DPY19L2: variants seen among roughly 807,000 people sequenced by gnomAD.
DPY19L2 encodes dpy-19 like 2.
DPY19L2 carries 34 observed loss-of-function variants against 97.9 expected under a neutral mutation model. That is an observed-to-expected ratio of 0.35 (90% confidence interval 0.26 to 0.46). DPY19L2 has a LOEUF of 0.46. Ranked by LOEUF, DPY19L2 falls within the 20% of genes least tolerant of loss-of-function variation. DPY19L2 has a pLI of 1.00. For missense variants in DPY19L2, 623 were observed against 911.4 expected (o/e 0.68, Z 4.07); for synonymous variants, 230 against 307.9 (o/e 0.75, Z 2.65).
At chr12:63,604,498 T>C (rs1486573213) in intron 12 of DPY19L2, among the ~76,000 whole-genome samples, 1 of 152,094 alleles carries the variant, frequency 6.6e-6, no homozygotes, top group Non-Finnish European at 1.5e-5. Flanking sequence ...GATCTTTTGT[T>C]ACTACACCAT....
intron 11 of DPY19L2, among the ~76,000 whole-genome samples, chr12:63,616,379 G>C (rs376692283): frequency 6.6e-6 from 1 of 152,148 alleles, no homozygotes; most frequent in Non-Finnish European, 1.5e-5. Context: ...TTTTTTCTGG[G>C]AGAGAAAGAG....
chr12:63,595,411 A>T (rs1399294262), intron 15 of DPY19L2, among the ~76,000 whole-genome samples: 2 of 152,066 alleles, frequency 1.3e-5, no homozygotes, highest in East Asian at 3.9e-4. Context: ...TTTAAAGATT[A>T]TTTTTTTCAT....
chr12:63,668,686 C>G, upstream of DPY19L2: 1 of 399,020 alleles, frequency 2.5e-6, no homozygotes, highest in Non-Finnish European at 4.6e-6. Flanking sequence ...CCACGCACAG[C>G]CCCCCACACC....
chr12:63,564,425 T>G (rs1877239803), intron 21 of DPY19L2, among the ~76,000 whole-genome samples: 1 of 152,134 alleles, frequency 6.6e-6, no homozygotes, highest in Non-Finnish European at 1.5e-5. Flanking sequence ...CGGGATGGTG[T>G]TCTCATCTTC....
At position 63,589,357 on chromosome 12, in the gene DPY19L2, C is replaced by CAAAAAAAAAAAAA. The variant is rs71086687; in HGVS notation, c.1580+4717_1580+4729dup. ...AATGTGGCTAGATAAAAATGTGTTG[C>CAAAAAAAAAAAAA]AAAAAAAAAAAAAAAAAAAAAAAAA... On this transcript the variant is annotated intron_variant, in intron 16 of 21. Coordinates refer to ENST00000324472, the MANE Select transcript of DPY19L2 (RefSeq NM_173812.5). Among the ~76,000 whole-genome samples, 10 of 18,992 alleles carry CAAAAAAAAAAAAA rather than the reference C, an allele frequency of 5.3e-4. 2 individuals are homozygous for CAAAAAAAAAAAAA. Among genetic ancestry groups the CAAAAAAAAAAAAA allele is most frequent in the Non-Finnish European group, 1.1e-3 (10 of 9,522 alleles). The allele number at this position is 18,992 out of a possible 152,430, so 12.5% of individuals were successfully genotyped here. A position where few individuals can be genotyped will look rare whatever the true frequency, so the allele number is the denominator to read the frequency against.
At chr12:63,581,634 C>A (rs894601151) in intron 18 of DPY19L2, among the ~76,000 whole-genome samples, 2 of 151,502 alleles carry the variant, frequency 1.3e-5, no homozygotes, top group African/African-American at 4.9e-5. Flanking sequence ...CAGGCACACA[C>A]CACCATGCCC....
intron 4 of DPY19L2, among the ~76,000 whole-genome samples, chr12:63,652,228 C>T (rs968168542): frequency 2.6e-5 from 4 of 152,070 alleles, no homozygotes; most frequent in African/African-American, 9.7e-5. Context: ...ATCAAAACCA[C>T]ACTAACCCAA....
In DPY19L2 at chr12:63,668,250, T is replaced by C. The variant is rs759097126; in HGVS notation, c.144A>G (p.Pro48=). 2 of 1,613,846 alleles carry C rather than the reference T, an allele frequency of 1.2e-6. No individual in the cohort carries two copies. The highest frequency in any genetic ancestry group is 3.3e-5 in the Admixed American group (2 of 60,018). Residue 48 remains proline, a synonymous_variant, in exon 1 of 22, where the codon CCA becomes CCG. Coordinates refer to ENST00000324472, the MANE Select transcript of DPY19L2 (RefSeq NM_173812.5). ...EKSALGGGKL[P]RGSWRSSPGR... ...CCGGGGAGGACCTCCAGGAGCCCCTTGGCAGTTTCCCGCCGCCTAGGGCCG... is the reference window on the plus strand; with the variant it reads ...CCGGGGAGGACCTCCAGGAGCCCCTCGGCAGTTTCCCGCCGCCTAGGGCCG...
chr12:63,607,359 T>C (rs1194314013), intron 12 of DPY19L2, among the ~76,000 whole-genome samples: 1 of 152,188 alleles, frequency 6.6e-6, no homozygotes, highest in Non-Finnish European at 1.5e-5. Flanking sequence ...ACAAGTGTAA[T>C]GTCGATATGT....
intron 12 of DPY19L2, among the ~76,000 whole-genome samples, chr12:63,605,880 T>C (rs1449023244): frequency 2.6e-5 from 4 of 152,184 alleles, no homozygotes; most frequent in Non-Finnish European, 5.9e-5. Context: ...CTGAAATTGC[T>C]TTGAATCTGA....
At position 63,661,369 on chromosome 12, in the gene DPY19L2, A is replaced by G. The variant is rs1194994139; in HGVS notation, c.563T>C (p.Ile188Thr). 1.3e-6 allele frequency: 2 copies of G among 1,587,272 alleles called. No homozygotes were observed. The highest frequency in any genetic ancestry group is 1.7e-6 in the Non-Finnish European group (2 of 1,172,668). Residue 188 changes from isoleucine to threonine, a missense_variant, in exon 4 of 22, where the codon ATA becomes ACA. Ile to Thr is a moderately conservative substitution (Grantham distance 89, BLOSUM62 -1). Transcript: ENST00000324472. ...CTCTGGATAAAGATGGAAGCGTTTT[A>G]TTGCATTAATTATAAGAGGATATTC... ...LTEYPLIINA[I>T]KRFHLYPEVI...
At chr12:63,617,047 T>C (rs1887955940) in intron 11 of DPY19L2, among the ~76,000 whole-genome samples, 1 of 152,146 alleles carries the variant, frequency 6.6e-6, no homozygotes, top group South Asian at 2.1e-4. Flanking sequence ...TATCATAAAA[T>C]GGGATATGAT....
intron 16 of DPY19L2, among the ~76,000 whole-genome samples, chr12:63,590,514 T>C (rs1267711860): frequency 1.3e-5 from 2 of 152,056 alleles, no homozygotes; most frequent in African/African-American, 4.8e-5. Flanking sequence ...TAAACTTTCA[T>C]TGATATGGGA....
chr12:63,638,076 T>C (rs916477343), intron 6 of DPY19L2, among the ~76,000 whole-genome samples: 44 of 152,146 alleles, frequency 2.9e-4, no homozygotes, highest in African/African-American at 9.7e-4. Flanking sequence ...ATAAATGTAA[T>C]CCATCATATA....
intron 6 of DPY19L2, among the ~76,000 whole-genome samples, chr12:63,629,658 G>T (rs1359591089): frequency 6.6e-6 from 1 of 152,158 alleles, no homozygotes; most frequent in Non-Finnish European, 1.5e-5. Context: ...TATTATCCAG[G>T]AGAACTTCCC....
chr12:63,636,884 A>G (rs1353813245), intron 6 of DPY19L2, among the ~76,000 whole-genome samples: 1 of 152,146 alleles, frequency 6.6e-6, no homozygotes, highest in Non-Finnish European at 1.5e-5. Context: ...AACGAGACAG[A>G]AAGTTAACAA....
At chr12:63,603,587 G>A (rs1373373028) in intron 12 of DPY19L2, among the ~76,000 whole-genome samples, 1 of 152,160 alleles carries the variant, frequency 6.6e-6, no homozygotes, top group African/African-American at 2.4e-5. Flanking sequence ...TGTTCTCACT[G>A]TTCAGCTCCC....
Position 63,631,768 on chromosome 12 carries a change from G to C in DPY19L2, c.804-5242C>G, listed in dbSNP as rs557177137. ...CTGGCAGAGACACAACAAAAAAAGA[G>C]AATTTTAGACCAATATCCCTGAAGA... On this transcript the variant is annotated intron_variant, in intron 6 of 21. Transcript: ENST00000324472. 2.6e-5 allele frequency among the ~76,000 whole-genome samples: 4 copies of C among 152,152 alleles called. No homozygotes were observed. In the South Asian group the frequency reaches 8.3e-4, roughly 32 times the overall value.
intron 19 of DPY19L2, among the ~76,000 whole-genome samples, chr12:63,579,640 A>G (rs577895906): frequency 1.3e-5 from 2 of 152,288 alleles, no homozygotes; most frequent in Admixed American, 1.3e-4. Context: ...AAAAATAGCT[A>G]TAACTGGGGA....
Sources: gnomAD v4.1 joint callset for allele counts (sites outside exome capture counted in the v4.1 genomes callset) on GRCh38, gnomAD v4.1.1 for gene constraint, MANE v1.5 for transcripts, NCBI Gene and HGNC (gene_info 2026-07-23, HGNC 2026-07-21) for gene names.